Variants in TPCN2 observed in about 807,000 individuals in gnomAD.
TPCN2 encodes two pore channel protein 2.
In TPCN2, 92 loss-of-function variants were observed where a neutral mutation model predicts 111.4. The observed-to-expected ratio is 0.83, with a 90% CI of 0.70 to 0.98. TPCN2 has a LOEUF of 0.98. Ranked by LOEUF, TPCN2 falls within the 50% of genes least tolerant of loss-of-function variation. The pLI is 0.00. For missense variants in TPCN2, 995 were observed against 980.1 expected, an observed-to-expected ratio of 1.02 and a Z score of -0.20; for synonymous variants, 405 against 414.5, an observed-to-expected ratio of 0.98 and a Z score of 0.28.
intron 13 of TPCN2, among the ~76,000 whole-genome samples, chr11:69,076,016 A>G (rs1283319540): frequency 6.6e-6 from 1 of 152,196 alleles, no homozygotes; most frequent in Non-Finnish European, 1.5e-5. Context: ...TCTCTTGGCC[A>G]AGGTGTCCGT....
intron 2 of TPCN2, chr11:69,054,310 T>A (rs982390520): frequency 1.2e-5 from 7 of 591,622 alleles, no homozygotes; most frequent in Non-Finnish European, 1.8e-5. Flanking sequence ...TGATGCACCG[T>A]GTTCTGAGGC....
intron 18 of TPCN2, 104 bp downstream of exon 18, chr11:69,081,603 CCG>C: frequency 1.2e-6 from 1 of 816,706 alleles, no homozygotes; most frequent in Non-Finnish European, 1.9e-6. Context: ...AGGACTGTGC[CCG>C]TCACCCTGGG....
chr11:69,066,761 G>A (rs924858104), intron 7 of TPCN2, among the ~76,000 whole-genome samples: 1 of 152,218 alleles, frequency 6.6e-6, no homozygotes, highest in Non-Finnish European at 1.5e-5. Flanking sequence ...CATACAACCA[G>A]TCTGGTTTGC....
intron 15 of TPCN2, 43 bp from the exon 16 acceptor site, chr11:69,078,849 A>G (rs1381618089): frequency 1.2e-6 from 2 of 1,614,086 alleles, no homozygotes; most frequent in Non-Finnish European, 1.7e-6. Context: ...CAGTGCTGGC[A>G]GCCCTGGGGC....
rs971363042 is a variant in TPCN2 at position 69,071,339 on chromosome 11, G to T, written c.896-17G>T. On this transcript the variant is annotated splice_polypyrimidine_tract_variant and intron_variant, in intron 9 of 24. Coordinates refer to ENST00000294309, the MANE Select transcript of TPCN2 (RefSeq NM_139075.4). ...TGTACTGGTGGCGCCCCTGACCGTG[G>T]CTGTCTCCTCTTGAAGGAAGCCTGT... 16 of 1,612,078 alleles carry T rather than the reference G, an allele frequency of 9.9e-6. No individual in the cohort carries two copies. The highest frequency in any genetic ancestry group is 1.7e-5 in the Admixed American group (1 of 59,898).
chr11:69,075,167 A>C (rs756457475), intron 13 of TPCN2, among the ~76,000 whole-genome samples: 18 of 151,952 alleles, frequency 1.2e-4, no homozygotes, highest in Non-Finnish European at 2.5e-4. Flanking sequence ...TTGAGATGGG[A>C]GTTTAGGTTC....
intron 17 of TPCN2, among the ~76,000 whole-genome samples, chr11:69,081,176 G>A (rs1313856976): frequency 5.3e-5 from 8 of 152,084 alleles, no homozygotes; most frequent in South Asian, 2.1e-4. Context: ...GGGGGGATGG[G>A]GGTCGCTCCG....
In TPCN2 at chr11:69,054,806, G is replaced by A. The variant is rs200267949; in HGVS notation, c.251+9G>A. 7 of 1,613,116 alleles carry A rather than the reference G, an allele frequency of 4.3e-6. No homozygotes were observed. Among genetic ancestry groups the A allele is most frequent in the African/African-American group, 4.0e-5 (3 of 75,056 alleles). On this transcript the variant is annotated intron_variant, in intron 3 of 24. Coordinates refer to ENST00000294309, the MANE Select transcript of TPCN2 (RefSeq NM_139075.4). Reference sequence around the variant, plus strand: ...TCGAACGTATGCCAACGGTGAGAACGCACCCATGTGGAACTCAGGGTTCCT... The same window carrying A: ...TCGAACGTATGCCAACGGTGAGAACACACCCATGTGGAACTCAGGGTTCCT...
rs1417232626 is a variant in TPCN2 at position 69,054,023 on chromosome 11, C to T, written c.110-10C>T. The stretch of plus-strand genomic sequence containing the variant: ...TGCTCGGTCACCTGATGTGTCCCCT[C>T]TGCCTGCAGGTGCCGCGGCCAGGTG... On this transcript the variant is annotated splice_polypyrimidine_tract_variant and intron_variant, in intron 1 of 24. Coordinates refer to ENST00000294309, the MANE Select transcript of TPCN2 (RefSeq NM_139075.4). The T allele has an allele frequency of 6.2e-7, 1 of 1,613,356 alleles. No individual in the cohort carries two copies. The highest frequency in any genetic ancestry group is 1.7e-5 in the Admixed American group (1 of 60,018).
At chr11:69,054,170 C>G in intron 2 of TPCN2, 73 bp downstream of exon 2, 1 of 1,297,270 alleles carries the variant, frequency 7.7e-7, no homozygotes, top group Non-Finnish European at 1.1e-6. Flanking sequence ...CCTCCAGGGG[C>G]GACTGACTGG....
chr11:69,058,150 C>G lies in TPCN2; in HGVS notation c.546+456C>G, dbSNP rs373070952. 3.6e-4 allele frequency among the ~76,000 whole-genome samples: 55 copies of G among 152,350 alleles called. 2 individuals are homozygous for G. In the South Asian group the frequency reaches 0.011, roughly 31 times the overall value. ...TTCCACCGCAGTGCCTTGGTTTCCCCTCAGAGCACCCAGAAGCACCCCCTG... is the reference window on the plus strand; with the variant it reads ...TTCCACCGCAGTGCCTTGGTTTCCCGTCAGAGCACCCAGAAGCACCCCCTG... On this transcript the variant is annotated intron_variant, in intron 5 of 24. Coordinates refer to ENST00000294309, the MANE Select transcript of TPCN2 (RefSeq NM_139075.4).
At chr11:69,075,000 A>G (rs150591487) in intron 13 of TPCN2, among the ~76,000 whole-genome samples, 13 of 152,308 alleles carry the variant, frequency 8.5e-5, no homozygotes, top group African/African-American at 2.9e-4. Flanking sequence ...ATGTGGAGGA[A>G]GGGCGGATGG....
chr11:69,051,403 T>C (rs1321911492), intron 1 of TPCN2, among the ~76,000 whole-genome samples: 1 of 152,242 alleles, frequency 6.6e-6, no homozygotes, highest in Admixed American at 6.5e-5. Flanking sequence ...CTATAGTAAG[T>C]CATTCAGTCT....
intron 4 of TPCN2, among the ~76,000 whole-genome samples, chr11:69,057,115 G>T (rs950173603): frequency 1.3e-5 from 2 of 152,260 alleles, no homozygotes; most frequent in East Asian, 3.9e-4. Flanking sequence ...TGGGATTACA[G>T]GCGTGAGCCA....
chr11:69,084,285 T>G (rs895615631), intron 19 of TPCN2, among the ~76,000 whole-genome samples: 22 of 152,280 alleles, frequency 1.4e-4, no homozygotes, highest in Admixed American at 1.2e-3. Flanking sequence ...TGTTTGGTAA[T>G]TTTTGAGTCT....
chr11:69,076,980 TCCCTCCACCTGCCCTCCTGCCAC>T (rs1284096262), intron 13 of TPCN2, among the ~76,000 whole-genome samples: 1 of 57,394 alleles, frequency 1.7e-5, no homozygotes, highest in Non-Finnish European at 3.3e-5. Context: ...TCCTGCCATG[TCCCTCCACCTGCCCTCCTGCCAC>T]GTCCCTCCAC....
chr11:69,058,841 C>T (rs1854892943), intron 5 of TPCN2, among the ~76,000 whole-genome samples: 1 of 152,258 alleles, frequency 6.6e-6, no homozygotes, highest in Non-Finnish European at 1.5e-5. Flanking sequence ...GGATAGCCCT[C>T]CCACCGCCAT....
chr11:69,086,467 C>T (rs1042238899), intron 22 of TPCN2, 56 bp from the exon 23 acceptor site: 31 of 1,460,720 alleles, frequency 2.1e-5, no homozygotes, highest in Middle Eastern at 1.7e-4. Context: ...GTGTTTGTAT[C>T]GAGTGCTCTT....
At chr11:69,050,935 T>G (rs1214978004) in intron 1 of TPCN2, among the ~76,000 whole-genome samples, 5 of 152,230 alleles carry the variant, frequency 3.3e-5, no homozygotes, top group African/African-American at 1.2e-4. Context: ...TGCTGTGGCC[T>G]CAGCCAGGGC....
Sources: allele counts gnomAD v4.1 joint callset (sites outside exome capture counted in the v4.1 genomes callset), GRCh38; gene constraint gnomAD v4.1.1; transcripts MANE v1.5; gene names NCBI Gene and HGNC (gene_info 2026-07-23, HGNC 2026-07-21).